Variants in CCDC125 observed in about 807,000 individuals in gnomAD.
CCDC125 encodes the protein coiled-coil domain containing 125, also known as coiled-coil domain-containing protein 125.
In CCDC125, 43 loss-of-function variants were observed where a neutral mutation model predicts 57.4. The ratio of observed to expected loss-of-function variants is 0.75; its 90% CI spans 0.59 to 0.97. The LOEUF (loss-of-function observed/expected upper bound fraction) is 0.97, where lower values mean the gene tolerates loss of function less well. Ranked by LOEUF, CCDC125 falls within the 50% of genes least tolerant of loss-of-function variation. The pLI, the probability that CCDC125 is intolerant of heterozygous loss-of-function variation, is 0.00. For missense variants in CCDC125, 563 were observed against 595.7 expected, an observed-to-expected ratio of 0.95 and a Z score of 0.57; for synonymous variants, 187 against 195.2, an observed-to-expected ratio of 0.96 and a Z score of 0.35.
intron 8 of CCDC125, 140 bp from the exon 9 acceptor site, chr5:69,295,040 A>C (rs1755096964): frequency 3.6e-6 from 2 of 562,766 alleles, no homozygotes; most frequent in Admixed American, 3.6e-5. Flanking sequence ...GGAAAAACAA[A>C]ATAGAAGAAA....
At chr5:69,324,411 G>A (rs1267528160) in intron 1 of CCDC125, among the ~76,000 whole-genome samples, 1 of 152,200 alleles carries the variant, frequency 6.6e-6, no homozygotes, top group Non-Finnish European at 1.5e-5. Flanking sequence ...TACAACCACT[G>A]TGGAAAACAA....
chr5:69,320,462 C>A lies in CCDC125; in HGVS notation c.79G>T (p.Asp27Tyr). ...TTCCTTCCGAGGCCATACCCTAAAT[C>A]ACCTTCTGTCATGTCATCCTCTTCT... ...ETEEDDMTEG[D>Y]LGYGLGRKPG... Residue 27 changes from aspartate to tyrosine, a missense_variant, in exon 2 of 12, where the codon GAT becomes TAT. By Grantham distance (160) the Asp-to-Tyr change is radical. Coordinates refer to ENST00000396496, the MANE Select transcript of CCDC125 (RefSeq NM_176816.5). 6.2e-7 allele frequency: 1 copy of A among 1,613,502 alleles called. No individual in the cohort carries two copies. The highest frequency in any genetic ancestry group is 1.1e-5 in the South Asian group (1 of 91,070).
chr5:69,312,454 G>A (rs183426710), intron 3 of CCDC125, among the ~76,000 whole-genome samples: 172 of 152,250 alleles, frequency 1.1e-3, no homozygotes, highest in African/African-American at 4.0e-3. Context: ...AGTAAGGTGG[G>A]CTTCCTATTT....
chr5:69,299,265 G>A (rs375660254), intron 8 of CCDC125, among the ~76,000 whole-genome samples: 79 of 152,072 alleles, frequency 5.2e-4, no homozygotes, highest in Middle Eastern at 3.4e-3. Context: ...GCCCGCCACC[G>A]CGCCTGGCTA....
downstream of CCDC125, among the ~76,000 whole-genome samples, chr5:69,279,319 C>T (rs964411941): frequency 1.4e-5 from 2 of 139,388 alleles, no homozygotes; most frequent in African/African-American, 6.1e-5. Context: ...GCCTCAGCCT[C>T]CCGAGTAGCT....
rs148555744 is a variant in CCDC125 at position 69,320,346 on chromosome 5, C to T, written c.195G>A (p.Lys65=). ...KNFSPPPFPR[K]GEERNEASFQ... ...AACTCGCTTCATTTCTTTCTTCTCCCTTTCTCGGAAATGGAGGAGGGCTAA... is the reference window on the plus strand; with the variant it reads ...AACTCGCTTCATTTCTTTCTTCTCCTTTTCTCGGAAATGGAGGAGGGCTAA... The change falls in exon 2 of 12, where the codon AAG becomes AAA. Residue 65 remains lysine (K), a synonymous_variant. Coordinates refer to ENST00000396496, the MANE Select transcript of CCDC125 (RefSeq NM_176816.5). 2.2e-5 allele frequency: 35 copies of T among 1,613,680 alleles called. No individual in the cohort carries two copies. In the Admixed American group the frequency reaches 4.8e-4, roughly 22 times the overall value.
At chr5:69,296,125 G>A (rs950036099) in intron 8 of CCDC125, among the ~76,000 whole-genome samples, 42 of 151,948 alleles carry the variant, frequency 2.8e-4, no homozygotes, top group African/African-American at 9.6e-4. Context: ...CTCGTGATCT[G>A]CCCGCCTCAG....
downstream of CCDC125, among the ~76,000 whole-genome samples, chr5:69,276,056 G>A (rs1752102651): frequency 6.6e-6 from 1 of 152,108 alleles, no homozygotes; most frequent in South Asian, 2.1e-4. Context: ...TTGATACGGA[G>A]CCTTGCTCTG....
At chr5:69,286,187 A>AATATATAT (rs1561402049) in intron 10 of CCDC125, among the ~76,000 whole-genome samples, 5 of 53,942 alleles carry the variant, frequency 9.3e-5, no homozygotes, top group South Asian at 6.2e-4. Flanking sequence ...CAAATGGTAA[A>AATATATAT]CTATATATAT....
intron 6 of CCDC125, among the ~76,000 whole-genome samples, chr5:69,305,317 G>A (rs1384987601): frequency 1.3e-5 from 2 of 152,002 alleles, no homozygotes; most frequent in African/African-American, 4.8e-5. Context: ...GGGTTCAAGC[G>A]ATTCTCCTGC....
intron 1 of CCDC125, among the ~76,000 whole-genome samples, chr5:69,331,384 C>G (rs1029242287): frequency 5.9e-5 from 9 of 151,798 alleles, no homozygotes; most frequent in Admixed American, 3.3e-4. Context: ...AGGCGCCCAC[C>G]ACCATGCCCG....
At chr5:69,324,609 C>G (rs907831908) in intron 1 of CCDC125, among the ~76,000 whole-genome samples, 1 of 152,196 alleles carries the variant, frequency 6.6e-6, no homozygotes, top group Non-Finnish European at 1.5e-5. Context: ...TCTGTCCATA[C>G]AACAGAATAT....
At chr5:69,275,786 C>T (rs1220905229), downstream of CCDC125, among the ~76,000 whole-genome samples, 1 of 152,086 alleles carries the variant, frequency 6.6e-6, no homozygotes, top group Non-Finnish European at 1.5e-5. Flanking sequence ...CAAGCCTGGC[C>T]AATATAGCAA....
intron 9 of CCDC125, among the ~76,000 whole-genome samples, chr5:69,293,478 C>T (rs867247668): frequency 1.7e-4 from 26 of 151,978 alleles, no homozygotes; most frequent in East Asian, 3.9e-4. Flanking sequence ...AGTGAAACCC[C>T]GTCTCTACTA....
intron 10 of CCDC125, among the ~76,000 whole-genome samples, chr5:69,286,064 T>TA (rs1408624249): frequency 6.6e-6 from 1 of 151,474 alleles, no homozygotes; most frequent in Non-Finnish European, 1.5e-5. Context: ...AGTGAGGAGT[T>TA]ACTGTTTCAT....
intron 11 of CCDC125, among the ~76,000 whole-genome samples, chr5:69,284,265 TTGAAG>T (rs1365511908): frequency 6.6e-6 from 1 of 152,180 alleles, no homozygotes; most frequent in Admixed American, 6.5e-5. Context: ...TAAAATAATG[TTGAAG>T]TTATTTGTAT....
At chr5:69,301,722 G>A (rs1465440472) in intron 7 of CCDC125, among the ~76,000 whole-genome samples, 2 of 139,560 alleles carry the variant, frequency 1.4e-5, no homozygotes, top group Admixed American at 7.8e-5. Context: ...GTGACAGAGT[G>A]AGACTCTGTC....
Position 69,320,505 on chromosome 5 carries a change from G to T in CCDC125, c.36C>A (p.Asp12Glu), listed in dbSNP as rs1213577692. The T allele has an allele frequency of 6.2e-7, 1 of 1,612,648 alleles. No homozygotes were observed. The highest frequency in any genetic ancestry group is 1.3e-5 in the African/African-American group (1 of 74,928). ...CCTCTTCTGTTTCCCAGAGCTGCACGTCTGACTCACTTGATGATCTTGCCA... is the reference window on the plus strand; with the variant it reads ...CCTCTTCTGTTTCCCAGAGCTGCACTTCTGACTCACTTGATGATCTTGCCA... Reference protein sequence around the residue: ...SKVARSSSESDVQLWETEEDD... With the variant: ...SKVARSSSESEVQLWETEEDD... The change falls in exon 2 of 12, where the codon GAC becomes GAA. Residue 12 changes from aspartate (D) to glutamate (E), a missense_variant. Transcript: ENST00000396496.
At chr5:69,302,721 C>T in intron 7 of CCDC125, among the ~76,000 whole-genome samples, 1 of 148,814 alleles carries the variant, frequency 6.7e-6, no homozygotes, top group African/African-American at 2.5e-5. Flanking sequence ...GAGACTCTGT[C>T]TCAAAAAAAA....
Sources: gnomAD v4.1 joint callset for allele counts (sites outside exome capture counted in the v4.1 genomes callset) on GRCh38, gnomAD v4.1.1 for gene constraint, MANE v1.5 for transcripts, NCBI Gene and HGNC (gene_info 2026-07-23, HGNC 2026-07-21) for gene names.